The following LCORL variants were observed in gnomAD, a reference collection of about 807,000 sequenced individuals.
LCORL encodes the protein ligand-dependent nuclear receptor corepressor-like protein.
LCORL carries 41 observed loss-of-function variants against 141.8 expected under a neutral mutation model. That is an observed-to-expected ratio of 0.29 (90% confidence interval 0.23 to 0.38). LCORL has a LOEUF of 0.38. Ranked by LOEUF, LCORL falls within the 10% of genes least tolerant of loss-of-function variation. LCORL has a pLI of 1.00. For synonymous variants in LCORL, 618 were observed against 694.1 expected (o/e 0.89, Z 1.72); for missense variants, 1,759 against 2,035.0 (o/e 0.86, Z 2.61).
intron 6 of LCORL, chr4:17,882,138 C>G (rs776611717): frequency 1.0e-6 from 1 of 983,524 alleles, no homozygotes; most frequent in African/African-American, 1.8e-5. Context: ...AATTTAATAG[C>G]TGAAAATCTC....
In LCORL at chr4:17,958,306, T is replaced by C. The variant is rs566973323; in HGVS notation, c.430+3597A>G. On this transcript the variant is annotated intron_variant, in intron 4 of 7. Coordinates refer to ENST00000635767, the Ensembl canonical transcript of LCORL. ...ATTAAAAAAAAAAGCAGGAAAAACA[T>C]ATTACATTTTGATGAAGGATGACTT... Among the ~76,000 whole-genome samples the C allele has an allele frequency of 4.0e-5, 6 of 151,852 alleles. No individual in the cohort carries two copies. In the East Asian group the frequency reaches 1.2e-3, roughly 29 times the overall value.
intron 1 of LCORL, among the ~76,000 whole-genome samples, chr4:18,013,244 C>G (rs1004682903): frequency 6.6e-6 from 1 of 152,176 alleles, no homozygotes; most frequent in Non-Finnish European, 1.5e-5. Context: ...TTCTCTTCTT[C>G]TGCCCAAGGA....
At chr4:17,928,367 G>A (rs1735491816) in intron 4 of LCORL, among the ~76,000 whole-genome samples, 1 of 152,148 alleles carries the variant, frequency 6.6e-6, no homozygotes, top group Non-Finnish European at 1.5e-5. Context: ...AACCATGGCT[G>A]CACCACTGCC....
At chr4:17,886,945 A>G (rs1314008842) in intron 5 of LCORL, among the ~76,000 whole-genome samples, 1 of 152,118 alleles carries the variant, frequency 6.6e-6, no homozygotes, top group Non-Finnish European at 1.5e-5. Context: ...GAATTCCGTG[A>G]ATGTTTTTAT....
intron 4 of LCORL, among the ~76,000 whole-genome samples, chr4:17,938,573 C>T (rs1737289805): frequency 6.6e-6 from 1 of 151,590 alleles, no homozygotes; most frequent in African/African-American, 2.4e-5. Flanking sequence ...TGCACCACCA[C>T]ACCCGGCTAA....
chr4:17,882,936 T>A, intron 6 of LCORL: 1 of 921,480 alleles, frequency 1.1e-6, no homozygotes, highest in South Asian at 5.0e-5. Context: ...AAAACTAAAT[T>A]ATTTTAATAA....
At chr4:17,927,553 A>G (rs1735343727) in intron 4 of LCORL, among the ~76,000 whole-genome samples, 2 of 152,140 alleles carry the variant, frequency 1.3e-5, no homozygotes, top group African/African-American at 4.8e-5. Flanking sequence ...ATAGCTTTTG[A>G]TTTAAAATAA....
At chr4:17,905,096 T>C (rs1045085551) in intron 5 of LCORL, among the ~76,000 whole-genome samples, 1 of 152,152 alleles carries the variant, frequency 6.6e-6, no homozygotes, top group African/African-American at 2.4e-5. Flanking sequence ...GTTGCAGCTA[T>C]TGCAAATGTA....
chr4:17,967,589 T>C (rs964772698), intron 2 of LCORL, among the ~76,000 whole-genome samples: 1 of 152,356 alleles, frequency 6.6e-6, no homozygotes, highest in African/African-American at 2.4e-5. Flanking sequence ...TATACCTTTA[T>C]ACTTATTTAC....
chr4:17,946,911 A>G (rs564722231), intron 4 of LCORL, among the ~76,000 whole-genome samples: 2 of 152,110 alleles, frequency 1.3e-5, no homozygotes, highest in African/African-American at 4.8e-5. Context: ...CTGTTGGTGG[A>G]AATGTGAATT....
At chr4:17,873,499 A>C in exon 7 of LCORL, 1 of 1,233,852 alleles carries the variant, frequency 8.1e-7, no homozygotes, top group Non-Finnish European at 1.0e-6. Context: ...CTTTTGTTCA[A>C]ATTGCTAAGA....
At chr4:17,940,263 A>G (rs868559256) in intron 4 of LCORL, among the ~76,000 whole-genome samples, 8 of 148,440 alleles carry the variant, frequency 5.4e-5, no homozygotes, top group Non-Finnish European at 8.9e-5. Flanking sequence ...ATGACATTCT[A>G]GGGACAGTAT....
At chr4:18,001,846 C>T (rs1185408931) in intron 1 of LCORL, among the ~76,000 whole-genome samples, 2 of 152,080 alleles carry the variant, frequency 1.3e-5, no homozygotes, top group African/African-American at 4.8e-5. Flanking sequence ...TAAAATAAAA[C>T]AAATTTTTTT....
At chr4:17,866,034 A>T (rs769133461) in intron 7 of LCORL, among the ~76,000 whole-genome samples, 2 of 152,220 alleles carry the variant, frequency 1.3e-5, no homozygotes, top group Non-Finnish European at 2.9e-5. Flanking sequence ...GGCATGGCTC[A>T]TAAGAACTTG....
At chr4:17,842,260 CAAAA>C in exon 8 of LCORL, 1 of 1,542,504 alleles carries the variant, frequency 6.5e-7, no homozygotes, top group Non-Finnish European at 8.9e-7. Flanking sequence ...AGATTAAAAA[CAAAA>C]AGCAACTGAT....
chr4:17,934,158 G>A (rs543520230), intron 4 of LCORL, among the ~76,000 whole-genome samples: 4 of 152,154 alleles, frequency 2.6e-5, no homozygotes, highest in African/African-American at 9.6e-5. Flanking sequence ...ACATGACTGT[G>A]TATTTGGCAA....
At chr4:17,843,613 G>A (rs1560238449) in exon 8 of LCORL, 1 of 505,806 alleles carries the variant, frequency 2.0e-6, no homozygotes. Context: ...TCCAGAAAAA[G>A]TGTGCATCAG....
exon 7 of LCORL, chr4:17,878,044 A>G: frequency 8.1e-7 from 1 of 1,230,580 alleles, no homozygotes; most frequent in Non-Finnish European, 1.0e-6. Context: ...ACAACACATG[A>G]TGTATTACAA....
chr4:17,935,084 T>C (rs1736636299), intron 4 of LCORL, among the ~76,000 whole-genome samples: 1 of 152,178 alleles, frequency 6.6e-6, no homozygotes, highest in African/African-American at 2.4e-5. Context: ...GGTTATTACA[T>C]ACTTTGCCCA....
Sources: allele counts gnomAD v4.1 joint callset (sites outside exome capture counted in the v4.1 genomes callset), GRCh38; gene constraint gnomAD v4.1.1; transcripts MANE v1.5; gene names NCBI Gene and HGNC (gene_info 2026-07-23, HGNC 2026-07-21).